PDE4D: variants seen among roughly 807,000 people sequenced by gnomAD.
The protein encoded by PDE4D is phosphodiesterase 4D, also known as 3',5'-cyclic-AMP phosphodiesterase 4D.
A neutral mutation model predicts 87.4 loss-of-function variants in PDE4D; 24 were observed. The observed-to-expected ratio is 0.27, with a 90% CI of 0.20 to 0.39. PDE4D has a LOEUF of 0.39. Ranked by LOEUF, PDE4D falls within the 10% of genes least tolerant of loss-of-function variation. PDE4D has a pLI of 1.00. For synonymous variants in PDE4D, 384 were observed against 383.2 expected (o/e 1.00, Z -0.02); for missense variants, 714 against 1,041.0 (o/e 0.69, Z 4.32).
chr5:59,968,297 A>T (rs981223789), intron 3 of PDE4D, among the ~76,000 whole-genome samples: 5 of 152,090 alleles, frequency 3.3e-5, no homozygotes, highest in African/African-American at 1.2e-4. Context: ...TGGGTGCCAT[A>T]TTCTTAAGCA....
At chr5:59,005,933 T>C (rs1407427622) in intron 6 of PDE4D, among the ~76,000 whole-genome samples, 1 of 152,214 alleles carries the variant, frequency 6.6e-6, no homozygotes, top group Non-Finnish European at 1.5e-5. Flanking sequence ...TTGCTAACTT[T>C]ACAGTGCCTT....
intron 1 of PDE4D, among the ~76,000 whole-genome samples, chr5:59,354,843 T>G (rs564121525): frequency 1.3e-4 from 20 of 152,358 alleles, no homozygotes; most frequent in Admixed American, 5.9e-4. Flanking sequence ...TTTTGCTGTA[T>G]GTAAGGAAAC....
At chr5:59,864,752 C>A (rs188231856) in intron 1 of PDE4D, among the ~76,000 whole-genome samples, 1 of 152,208 alleles carries the variant, frequency 6.6e-6, no homozygotes, top group African/African-American at 2.4e-5. Context: ...GCCTGTGGAG[C>A]GTGCCCTTGG....
intron 1 of PDE4D, among the ~76,000 whole-genome samples, chr5:60,403,457 C>G (rs766550986): frequency 2.0e-5 from 3 of 152,176 alleles, no homozygotes; most frequent in Non-Finnish European, 4.4e-5. Flanking sequence ...ATCTATTCAA[C>G]AAATACTTGC....
At chr5:59,743,270 T>C (rs72751239) in intron 1 of PDE4D, among the ~76,000 whole-genome samples, 183 of 152,248 alleles carry the variant, frequency 1.2e-3, no homozygotes, top group Non-Finnish European at 2.4e-3. Context: ...GGAGTCACAT[T>C]TCTAAACATG....
rs902912952 is a variant in PDE4D, at chr5:59,795,684, C to T, written c.455+97484G>A. On this transcript the variant is annotated intron_variant, in intron 1 of 14. Coordinates refer to ENST00000340635, the MANE Select transcript of PDE4D (RefSeq NM_001104631.2). ...ACACTGTCGGCTGGGGTCCTTAGCA[C>T]GGTACTAGGTCTCCACCTCCATGCA... Among the ~76,000 whole-genome samples, 8 of 152,106 alleles carry T rather than the reference C, an allele frequency of 5.3e-5. 1 individual carries two copies. Among genetic ancestry groups the T allele is most frequent in the African/African-American group, 2.4e-5 (1 of 41,412 alleles).
chr5:59,438,132 T>C (rs1797055239), intron 1 of PDE4D, among the ~76,000 whole-genome samples: 2 of 152,118 alleles, frequency 1.3e-5, no homozygotes, highest in African/African-American at 4.8e-5. Context: ...GGCTGAACTA[T>C]AAAATTGGAA....
intron 2 of PDE4D, among the ~76,000 whole-genome samples, chr5:60,119,696 C>A (rs955651447): frequency 6.6e-6 from 1 of 152,126 alleles, no homozygotes; most frequent in Non-Finnish European, 1.5e-5. Context: ...TAGGACAATG[C>A]CTAACACACA....
At chr5:60,177,725 T>C (rs938308137) in intron 2 of PDE4D, among the ~76,000 whole-genome samples, 1 of 152,206 alleles carries the variant, frequency 6.6e-6, no homozygotes, top group Non-Finnish European at 1.5e-5. Context: ...TGTCATAGCT[T>C]TGGAGTTGAA....
intron 5 of PDE4D, chr5:59,091,096 A>AAT: frequency 3.5e-5 from 16 of 454,422 alleles, no homozygotes; most frequent in African/African-American, 3.2e-4. Context: ...ATTAGTAATC[A>AAT]GAGAAATGCA....
intron 1 of PDE4D, among the ~76,000 whole-genome samples, chr5:59,452,861 G>A (rs1452553057): frequency 6.6e-6 from 1 of 151,990 alleles, no homozygotes; most frequent in East Asian, 1.9e-4. Flanking sequence ...CAAGGACTAT[G>A]GCTTAACAGA....
At chr5:59,722,123 C>T (rs1390345145) in intron 1 of PDE4D, among the ~76,000 whole-genome samples, 3 of 152,142 alleles carry the variant, frequency 2.0e-5, no homozygotes, top group Non-Finnish European at 2.9e-5. Flanking sequence ...TATTCCCATA[C>T]CCTATAATTA....
chr5:59,940,280 C>T (rs1757043094), intron 3 of PDE4D, among the ~76,000 whole-genome samples: 1 of 152,150 alleles, frequency 6.6e-6, no homozygotes, highest in East Asian at 1.9e-4. Flanking sequence ...GGGGGAGGCA[C>T]ATACCATGAT....
intron 5 of PDE4D, among the ~76,000 whole-genome samples, chr5:59,087,119 T>C (rs1767841904): frequency 6.6e-6 from 1 of 152,192 alleles, no homozygotes; most frequent in Non-Finnish European, 1.5e-5. Context: ...AATTCAAGCA[T>C]TAGTAAATAC....
At chr5:58,983,453 T>C (rs776948303) in intron 11 of PDE4D, among the ~76,000 whole-genome samples, 3 of 152,210 alleles carry the variant, frequency 2.0e-5, no homozygotes, top group Admixed American at 1.3e-4. Flanking sequence ...GCGCGTTAGA[T>C]AATACCCTAT....
At chr5:59,831,347 A>C (rs983264625) in intron 1 of PDE4D, among the ~76,000 whole-genome samples, 26 of 148,184 alleles carry the variant, frequency 1.8e-4, no homozygotes, top group Non-Finnish European at 3.2e-4. Flanking sequence ...AAAAAAAAAA[A>C]CCGGGCAAAT....
chr5:59,407,216 G>A (rs1363147965), intron 1 of PDE4D, among the ~76,000 whole-genome samples: 1 of 152,130 alleles, frequency 6.6e-6, no homozygotes, highest in East Asian at 1.9e-4. Context: ...TTAAAGGTGT[G>A]TAACACCTTC....
chr5:60,089,529 G>A (rs151035061), intron 2 of PDE4D, among the ~76,000 whole-genome samples: 2 of 151,766 alleles, frequency 1.3e-5, no homozygotes, highest in African/African-American at 4.8e-5. Context: ...AAAACCTAGA[G>A]GATATACCAA....
At chr5:59,241,724 G>T (rs746498243) in intron 1 of PDE4D, among the ~76,000 whole-genome samples, 16 of 152,166 alleles carry the variant, frequency 1.1e-4, no homozygotes, top group Non-Finnish European at 2.2e-4. Context: ...AGGCATTTAA[G>T]AGGGCTTTTC....
Sources: allele counts gnomAD v4.1 joint callset (sites outside exome capture counted in the v4.1 genomes callset), GRCh38; gene constraint gnomAD v4.1.1; transcripts MANE v1.5; gene names NCBI Gene and HGNC (gene_info 2026-07-23, HGNC 2026-07-21).